CSMD1: variants seen among roughly 807,000 people sequenced by gnomAD.
CSMD1 encodes the protein CUB and Sushi multiple domains 1.
In CSMD1, 213 loss-of-function variants were observed where a neutral mutation model predicts 417.5. That is an observed-to-expected ratio of 0.51 (90% confidence interval 0.46 to 0.57). The LOEUF is 0.57. Among genes scored for constraint, CSMD1 ranks in the 20% least tolerant of loss-of-function variants. CSMD1 has a pLI of 0.00. For missense variants in CSMD1, 6,923 were observed against 4,529.7 expected (o/e 1.53, Z -15.17); for synonymous variants, 2,862 against 1,736.8 (o/e 1.65, Z -16.11).
intron 2 of CSMD1, among the ~76,000 whole-genome samples, chr8:4,596,111 T>C (rs1800261191): frequency 6.6e-6 from 1 of 152,160 alleles, no homozygotes; most frequent in African/African-American, 2.4e-5. Flanking sequence ...GCAATTGTAA[T>C]AATGAATGTA....
At chr8:4,439,725 G>T (rs1585076979) in intron 2 of CSMD1, among the ~76,000 whole-genome samples, 1 of 152,240 alleles carries the variant, frequency 6.6e-6, no homozygotes, top group East Asian at 1.9e-4. Flanking sequence ...TTTGAAATAA[G>T]TAAATAGAGA....
At chr8:4,284,030 C>A (rs567721108) in intron 3 of CSMD1, among the ~76,000 whole-genome samples, 1 of 152,012 alleles carries the variant, frequency 6.6e-6, no homozygotes, top group East Asian at 1.9e-4. Flanking sequence ...GTCAGGAATT[C>A]GAAACCAGGC....
At chr8:4,302,943 C>A (rs1464486233) in intron 3 of CSMD1, among the ~76,000 whole-genome samples, 2 of 151,970 alleles carry the variant, frequency 1.3e-5, no homozygotes, top group African/African-American at 4.8e-5. Flanking sequence ...ATGCTGCTTC[C>A]CTTTATGCAT....
At chr8:3,333,008 G>T (rs187617803) in intron 23 of CSMD1, among the ~76,000 whole-genome samples, 13 of 152,292 alleles carry the variant, frequency 8.5e-5, no homozygotes, top group African/African-American at 3.1e-4. Flanking sequence ...CCTCCATGAG[G>T]TGAGGGCTCC....
intron 11 of CSMD1, among the ~76,000 whole-genome samples, chr8:3,471,903 C>T (rs969969824): frequency 2.6e-5 from 4 of 152,164 alleles, no homozygotes; most frequent in South Asian, 2.1e-4. Flanking sequence ...TTAATACACA[C>T]ATGGCACTTG....
chr8:4,909,839 C>T (rs1805544439), intron 1 of CSMD1, among the ~76,000 whole-genome samples: 1 of 152,190 alleles, frequency 6.6e-6, no homozygotes, highest in African/African-American at 2.4e-5. Context: ...AATTTAACTG[C>T]AACCTCAGTT....
chr8:3,867,087 A>T (rs1034981534), intron 5 of CSMD1, among the ~76,000 whole-genome samples: 4 of 152,178 alleles, frequency 2.6e-5, no homozygotes, highest in Non-Finnish European at 4.4e-5. Context: ...TTTTAAAAAT[A>T]TTGTAACCAT....
intron 7 of CSMD1, among the ~76,000 whole-genome samples, chr8:3,686,479 A>C (rs554111804): frequency 6.6e-6 from 1 of 152,268 alleles, no homozygotes; most frequent in Admixed American, 6.5e-5. Context: ...GGCATGTTTA[A>C]ATTAAAGACG....
At chr8:3,917,907 G>C (rs2912295) in intron 5 of CSMD1, among the ~76,000 whole-genome samples, 12 of 152,044 alleles carry the variant, frequency 7.9e-5, no homozygotes, top group East Asian at 7.8e-4. Flanking sequence ...AAAATTTAAA[G>C]TTCTCAGTGT....
At chr8:4,331,348 C>A (rs1406380066) in intron 3 of CSMD1, among the ~76,000 whole-genome samples, 1 of 152,124 alleles carries the variant, frequency 6.6e-6, no homozygotes, top group African/African-American at 2.4e-5. Flanking sequence ...TTTTACCCCG[C>A]CCCTCAAAGC....
At chr8:3,488,086 G>C (rs370727921) in intron 11 of CSMD1, among the ~76,000 whole-genome samples, 1 of 148,234 alleles carries the variant, frequency 6.7e-6, no homozygotes, top group Admixed American at 6.7e-5. Flanking sequence ...GAAACTCATA[G>C]TATTATTATT....
intron 11 of CSMD1, among the ~76,000 whole-genome samples, chr8:3,474,722 G>T (rs1563073478): frequency 1.3e-5 from 2 of 152,126 alleles, no homozygotes; most frequent in South Asian, 2.1e-4. Context: ...ACCTATTAAT[G>T]ATGTTAAGTG....
At chr8:4,009,873 G>A (rs753688810) in intron 4 of CSMD1, among the ~76,000 whole-genome samples, 13 of 151,896 alleles carry the variant, frequency 8.6e-5, no homozygotes, top group Non-Finnish European at 1.8e-4. Context: ...GGGTACTCTC[G>A]TACATCCTTT....
intron 3 of CSMD1, among the ~76,000 whole-genome samples, chr8:4,314,594 A>G (rs1213771731): frequency 3.1e-5 from 3 of 96,240 alleles, no homozygotes; most frequent in Non-Finnish European, 6.2e-5. Flanking sequence ...TACTGGTTGT[A>G]TTACATTTTC....
At chr8:4,569,702 T>A (rs139683907) in intron 2 of CSMD1, among the ~76,000 whole-genome samples, 1 of 152,216 alleles carries the variant, frequency 6.6e-6, no homozygotes, top group African/African-American at 2.4e-5. Flanking sequence ...TTGATGGGAA[T>A]AGCATTGAAT....
intron 2 of CSMD1, among the ~76,000 whole-genome samples, chr8:4,584,716 T>C (rs759041497): frequency 1.3e-5 from 2 of 152,132 alleles, no homozygotes; most frequent in African/African-American, 2.4e-5. Flanking sequence ...CTATCCTATC[T>C]ATCCTGACCC....
chr8:4,643,243 T>G (rs1002122576), intron 1 of CSMD1, among the ~76,000 whole-genome samples: 1 of 152,326 alleles, frequency 6.6e-6, no homozygotes, highest in East Asian at 1.9e-4. Context: ...AAAATAAACC[T>G]TACATATTTA....
intron 5 of CSMD1, among the ~76,000 whole-genome samples, chr8:3,964,123 G>C (rs1255496410): frequency 4.6e-5 from 7 of 152,116 alleles, no homozygotes; most frequent in Non-Finnish European, 8.8e-5. Context: ...AGAAAAAAAA[G>C]TTTTGCGTAA....
chr8:4,967,468 A>T (rs1195432482), intron 1 of CSMD1, among the ~76,000 whole-genome samples: 2 of 152,184 alleles, frequency 1.3e-5, no homozygotes, highest in Admixed American at 1.3e-4. Flanking sequence ...TTACCAGTGA[A>T]TATATTAGGT....
Sources: allele counts gnomAD v4.1 joint callset (sites outside exome capture counted in the v4.1 genomes callset), GRCh38; gene constraint gnomAD v4.1.1; transcripts MANE v1.5; gene names NCBI Gene and HGNC (gene_info 2026-07-23, HGNC 2026-07-21).